Variants in ZBTB20 observed in about 807,000 individuals in gnomAD.
ZBTB20 encodes zinc finger and BTB domain containing 20.
In ZBTB20, 9 loss-of-function variants were observed where a neutral mutation model predicts 56.9. The ratio of observed to expected loss-of-function variants is 0.16; its 90% CI spans 0.10 to 0.28. The LOEUF (loss-of-function observed/expected upper bound fraction) is 0.28, where lower values mean the gene tolerates loss of function less well. ZBTB20 is among the 10% of genes least tolerant of loss of function. The pLI, the probability that ZBTB20 is intolerant of heterozygous loss-of-function variation, is 1.00. For synonymous variants in ZBTB20, 417 were observed against 420.7 expected, an observed-to-expected ratio of 0.99 and a Z score of 0.11; for missense variants, 655 against 1,003.0, an observed-to-expected ratio of 0.65 and a Z score of 4.69.
rs963497424 is a variant in ZBTB20, at chr3:114,989,014, A to T, written c.-506-14598T>A. Among the ~76,000 whole-genome samples, 104 of 152,130 alleles carry T rather than the reference A, an allele frequency of 6.8e-4. 1 individual carries two copies. Among genetic ancestry groups the T allele is most frequent in the Admixed American group, 1.8e-3 (28 of 15,266 alleles). The stretch of plus-strand genomic sequence containing the variant: ...TTCTGGATATTAGCCCTTTGTCAGA[A>T]GAGTAGATTGTAAAAATTTTCTCCC... On this transcript the variant is annotated intron_variant, in intron 2 of 11. Coordinates refer to ENST00000675478, the MANE Select transcript of ZBTB20 (RefSeq NM_001348800.3).
chr3:115,092,569 C>T (rs2083237222), intron 1 of ZBTB20, among the ~76,000 whole-genome samples: 1 of 152,002 alleles, frequency 6.6e-6, no homozygotes, highest in Non-Finnish European at 1.5e-5. Flanking sequence ...TAGAAATGTC[C>T]AAAGGCATAG....
chr3:115,109,058 A>G (rs2083801566), intron 1 of ZBTB20, among the ~76,000 whole-genome samples: 1 of 152,134 alleles, frequency 6.6e-6, no homozygotes, highest in South Asian at 2.1e-4. Context: ...AAATATAAAA[A>G]TGTTATTTGT....
At chr3:114,599,719 C>T (rs2056611384) in intron 6 of ZBTB20, among the ~76,000 whole-genome samples, 1 of 151,774 alleles carries the variant, frequency 6.6e-6, no homozygotes, top group Admixed American at 6.6e-5. Context: ...GCTGTTATTC[C>T]CATTTTATAG....
intron 7 of ZBTB20, among the ~76,000 whole-genome samples, chr3:114,489,241 T>C (rs2109476592): frequency 6.6e-6 from 1 of 152,270 alleles, no homozygotes; most frequent in South Asian, 2.1e-4. Flanking sequence ...TACTTAAAAA[T>C]TCCAATATGA....
chr3:114,777,540 G>A (rs367749794), intron 5 of ZBTB20, among the ~76,000 whole-genome samples: 22 of 152,020 alleles, frequency 1.4e-4, no homozygotes, highest in Non-Finnish European at 3.2e-4. Flanking sequence ...CAAAACCACA[G>A]TGAGATACCA....
intron 2 of ZBTB20, among the ~76,000 whole-genome samples, chr3:115,040,089 T>A (rs955127950): frequency 6.6e-6 from 1 of 152,102 alleles, no homozygotes; most frequent in African/African-American, 2.4e-5. Context: ...ATATATACAA[T>A]TTCATTTGTC....
intron 6 of ZBTB20, among the ~76,000 whole-genome samples, chr3:114,520,652 C>T (rs1410351088): frequency 1.3e-5 from 2 of 152,048 alleles, no homozygotes; most frequent in Non-Finnish European, 2.9e-5. Flanking sequence ...ATGTCCATTG[C>T]CTACTGGACA....
In ZBTB20 at chr3:114,817,192, T is replaced by TACACACACACAC. The variant is rs56294507; in HGVS notation, c.-416-16030_-416-16019dup. On this transcript the variant is annotated intron_variant, in intron 4 of 11. Transcript: ENST00000675478. ...ATATGAAATATATTTATACAACTTA[T>TACACACACACAC]ACACACACACACACACACACACACA... Among the ~76,000 whole-genome samples, 1,193 of 145,782 alleles carry TACACACACACAC rather than the reference T, an allele frequency of 8.2e-3. 13 individuals carry two copies. The highest frequency in any genetic ancestry group is 0.029 in the African/African-American group (1,111 of 38,726).
intron 2 of ZBTB20, among the ~76,000 whole-genome samples, chr3:114,989,799 C>T (rs866483741): frequency 6.6e-6 from 1 of 152,058 alleles, no homozygotes; most frequent in Non-Finnish European, 1.5e-5. Flanking sequence ...TTGTAGTTGT[C>T]CTTGAAGAGG....
At chr3:115,121,758 T>G (rs1454236483) in intron 1 of ZBTB20, among the ~76,000 whole-genome samples, 1 of 152,018 alleles carries the variant, frequency 6.6e-6, no homozygotes, top group East Asian at 1.9e-4. Flanking sequence ...ATTCATATAA[T>G]CGCTAACTTA....
At chr3:115,115,118 C>T (rs1267604040) in intron 1 of ZBTB20, among the ~76,000 whole-genome samples, 1 of 152,016 alleles carries the variant, frequency 6.6e-6, no homozygotes, top group Non-Finnish European at 1.5e-5. Context: ...AAAGCTTTAA[C>T]TTAAAAAACG....
At chr3:114,430,502 A>G (rs2090038476) in intron 7 of ZBTB20, among the ~76,000 whole-genome samples, 1 of 152,230 alleles carries the variant, frequency 6.6e-6, no homozygotes, top group Non-Finnish European at 1.5e-5. Flanking sequence ...TATCTACTAT[A>G]TGATGCTAAG....
Position 114,337,863 on chromosome 3 carries a change from T to C in ZBTB20, c.*1142A>G, listed in dbSNP as rs1437874540. On this transcript the variant is annotated 3_prime_UTR_variant, in exon 12 of 12. Transcript: ENST00000675478. ...AAAAGAGAAGGAATTGGTGGCAGTG[T>C]ATGCAAAACCAAAATGAAAAAAATT... is the stretch of plus-strand genomic sequence containing the variant. The C allele has an allele frequency of 6.6e-6, 1 of 151,792 alleles. No homozygotes were observed. Among genetic ancestry groups the C allele is most frequent in the Non-Finnish European group, 1.5e-5 (1 of 67,976 alleles). 9.4% of individuals were successfully genotyped at this position (151,792 alleles called of 1,614,324 possible). A position where few individuals can be genotyped will look rare whatever the true frequency, so the allele number is the denominator to read the frequency against.
intron 10 of ZBTB20, among the ~76,000 whole-genome samples, chr3:114,361,583 C>T (rs184513400): frequency 6.6e-6 from 1 of 152,076 alleles, no homozygotes; most frequent in Middle Eastern, 3.2e-3. Flanking sequence ...CCCATTAAGC[C>T]CTAAAGAATA....
intron 7 of ZBTB20, among the ~76,000 whole-genome samples, chr3:114,400,229 T>G (rs887185581): frequency 6.6e-6 from 1 of 152,166 alleles, no homozygotes; most frequent in Non-Finnish European, 1.5e-5. Flanking sequence ...CTTATTGTTC[T>G]CACTTATAAA....
At chr3:114,358,567 C>T (rs1227758436) in intron 10 of ZBTB20, among the ~76,000 whole-genome samples, 1 of 152,176 alleles carries the variant, frequency 6.6e-6, no homozygotes, top group Non-Finnish European at 1.5e-5. Context: ...CCTTGGTTAG[C>T]CCAGGCCTTT....
At chr3:114,500,324 T>TA (rs1406708574) in intron 7 of ZBTB20, 28 bp downstream of exon 7, 1 of 151,874 alleles carries the variant, frequency 6.6e-6, no homozygotes, top group Admixed American at 6.6e-5. Context: ...CTTTTTTTTT[T>TA]AAAGGTAAAG....
At chr3:114,871,567 A>C (rs2107540826) in intron 4 of ZBTB20, among the ~76,000 whole-genome samples, 1 of 152,228 alleles carries the variant, frequency 6.6e-6, no homozygotes, top group East Asian at 1.9e-4. Context: ...TGGGATCCAA[A>C]GCATCCGGAA....
chr3:114,565,703 C>T (rs1307119988), intron 6 of ZBTB20, among the ~76,000 whole-genome samples: 1 of 151,980 alleles, frequency 6.6e-6, no homozygotes, highest in East Asian at 1.9e-4. Flanking sequence ...GCGGTGTGTC[C>T]CAGTCACCAC....
Sources: gnomAD v4.1 joint callset for allele counts (sites outside exome capture counted in the v4.1 genomes callset) on GRCh38, gnomAD v4.1.1 for gene constraint, MANE v1.5 for transcripts, NCBI Gene and HGNC (gene_info 2026-07-23, HGNC 2026-07-21) for gene names.